The following AHCYL2 variants were observed in gnomAD, a reference collection of about 807,000 sequenced individuals.
AHCYL2 encodes S-adenosylhomocysteine hydrolase-like protein 2.
In AHCYL2, 28 loss-of-function variants were observed where a neutral mutation model predicts 81.4. That is an observed-to-expected ratio of 0.34 (90% CI 0.25 to 0.47). The LOEUF is 0.47. Ranked by LOEUF, AHCYL2 falls within the 20% of genes least tolerant of loss-of-function variation. The probability of loss-of-function intolerance (pLI) is 1.00; values close to 1 mark genes in which losing one functional copy is unlikely to be tolerated. For synonymous variants in AHCYL2, 272 were observed against 290.2 expected (o/e 0.94, Z 0.64); for missense variants, 551 against 785.1 (o/e 0.70, Z 3.56).
chr7:129,294,831 A>G (rs1406406755), intron 1 of AHCYL2, among the ~76,000 whole-genome samples: 2 of 152,228 alleles, frequency 1.3e-5, no homozygotes, highest in Non-Finnish European at 2.9e-5. Flanking sequence ...TACCCTGGAT[A>G]AGTCATATGT....
At chr7:129,258,556 C>CTTTTTTTTTTTTTTTTTTTTTTTATTTT (rs56039495) in intron 1 of AHCYL2, among the ~76,000 whole-genome samples, 1 of 133,140 alleles carries the variant, frequency 7.5e-6, no homozygotes, top group Non-Finnish European at 1.6e-5. Flanking sequence ...ATTTATCTTG[C>CTTTTTTTTTTTTTTTTTTTTTTTATTTT]TTTTTTTTTT....
chr7:129,232,575 T>G (rs1195765154), intron 1 of AHCYL2, among the ~76,000 whole-genome samples: 1 of 152,248 alleles, frequency 6.6e-6, no homozygotes, highest in Non-Finnish European at 1.5e-5. Flanking sequence ...CCATCCATTA[T>G]CTTCCCAATA....
Position 129,384,830 on chromosome 7 carries a change from T to C in AHCYL2, c.476-4226T>C, listed in dbSNP as rs1217733133. 2.6e-5 allele frequency among the ~76,000 whole-genome samples: 4 copies of C among 152,224 alleles called. No homozygotes were observed. The East Asian group carries it at 7.7e-4, about 29-fold the overall frequency. Reference sequence around the variant, plus strand: ...CTTTCCAGATGCGTAGGAGAGAAGTTAATTCATTATGTACAATGGATGCTT... The same window carrying C: ...CTTTCCAGATGCGTAGGAGAGAAGTCAATTCATTATGTACAATGGATGCTT... On this transcript the variant is annotated intron_variant, in intron 2 of 16. Transcript: ENST00000325006.
At chr7:129,339,959 C>T (rs1439313967) in intron 1 of AHCYL2, among the ~76,000 whole-genome samples, 2 of 138,620 alleles carry the variant, frequency 1.4e-5, no homozygotes, top group Admixed American at 7.7e-5. Flanking sequence ...CGCTCCGTCG[C>T]CCAGGCTGGA....
At chr7:129,276,257 G>A (rs573829078) in intron 1 of AHCYL2, among the ~76,000 whole-genome samples, 258 of 151,966 alleles carry the variant, frequency 1.7e-3, no homozygotes, top group Non-Finnish European at 3.1e-3. Context: ...TCACAAAGAA[G>A]ATGAGGGTAA....
intron 1 of AHCYL2, among the ~76,000 whole-genome samples, chr7:129,261,922 G>A (rs1795657236): frequency 1.3e-5 from 2 of 152,132 alleles, no homozygotes; most frequent in Admixed American, 1.3e-4. Flanking sequence ...AGTATGGAAA[G>A]TTACTCTGGA....
At chr7:129,403,659 C>G (rs187439541) in intron 7 of AHCYL2, among the ~76,000 whole-genome samples, 174 bp downstream of exon 7, 4 of 151,752 alleles carry the variant, frequency 2.6e-5, no homozygotes, top group Non-Finnish European at 5.9e-5. Flanking sequence ...GTCAGGAGAT[C>G]AAGACCATCC....
intron 1 of AHCYL2, among the ~76,000 whole-genome samples, chr7:129,365,017 C>CGTACAGCAATAAATTAAA (rs1468082752): frequency 1.4e-4 from 22 of 152,148 alleles, no homozygotes; most frequent in Non-Finnish European, 1.8e-4. Context: ...GTACAGCATA[C>CGTACAGCAATAAATTAAA]ATAAATTTTA....
chr7:129,404,910 G>T (rs964592944), intron 7 of AHCYL2, among the ~76,000 whole-genome samples, 187 bp from the exon 8 acceptor site: 11 of 152,102 alleles, frequency 7.2e-5, no homozygotes, highest in Admixed American at 1.3e-4. Flanking sequence ...AATCTTTATT[G>T]TGAAGCTATA....
rs568568800 is a variant in AHCYL2 at position 129,243,558 on chromosome 7, T to C, written c.363+18119T>C. 1.3e-3 allele frequency among the ~76,000 whole-genome samples: 155 copies of C among 119,394 alleles called. 2 individuals are homozygous for C. Among genetic ancestry groups the C allele is most frequent in the African/African-American group, 3.6e-3 (146 of 40,006 alleles). 78.3% of individuals were successfully genotyped at this position (119,394 alleles called of 152,430 possible). A position where few individuals can be genotyped will look rare whatever the true frequency, so the allele number is the denominator to read the frequency against. ...GTTTAGTTTTGTGTTTTCAGTTATGTCTTTTGTTTGTTTTTGTTTTTGTTT... is the reference window on the plus strand; with the variant it reads ...GTTTAGTTTTGTGTTTTCAGTTATGCCTTTTGTTTGTTTTTGTTTTTGTTT... On this transcript the variant is annotated intron_variant, in intron 1 of 16. Coordinates refer to ENST00000325006, the MANE Select transcript of AHCYL2 (RefSeq NM_015328.4).
chr7:129,298,625 T>A (rs2150758815), intron 1 of AHCYL2, among the ~76,000 whole-genome samples: 1 of 152,342 alleles, frequency 6.6e-6, no homozygotes, highest in African/African-American at 2.4e-5. Flanking sequence ...TCCTAAACTT[T>A]GCTTGGGGGA....
intron 1 of AHCYL2, among the ~76,000 whole-genome samples, chr7:129,253,711 A>G (rs1406370331): frequency 6.6e-6 from 1 of 152,164 alleles, no homozygotes; most frequent in Non-Finnish European, 1.5e-5. Flanking sequence ...TTCTGGGCCC[A>G]AGTGATTCTT....
chr7:129,371,202 A>C (rs1563217115), intron 1 of AHCYL2, among the ~76,000 whole-genome samples: 1 of 152,206 alleles, frequency 6.6e-6, no homozygotes, highest in Non-Finnish European at 1.5e-5. Context: ...AGTGTAATGA[A>C]ATTTCCACTG....
chr7:129,288,660 G>GTACTTCTAT lies in AHCYL2; in HGVS notation c.363+63223_363+63231dup, dbSNP rs544575811. Among the ~76,000 whole-genome samples, 515 of 152,140 alleles carry GTACTTCTAT rather than the reference G, an allele frequency of 3.4e-3. 1 individual carries two copies. Among genetic ancestry groups the GTACTTCTAT allele is most frequent in the African/African-American group, 0.012 (498 of 41,538 alleles). ...CAGGCGTGAGCCACTGCGCCTGGCA[G>GTACTTCTAT]TACTTCTATTTAGAAGAGTGCTCAG... On this transcript the variant is annotated intron_variant, in intron 1 of 16. Coordinates refer to ENST00000325006, the MANE Select transcript of AHCYL2 (RefSeq NM_015328.4).
chr7:129,368,486 G>C lies in AHCYL2; in HGVS notation c.364-11152G>C, dbSNP rs1474750771. 6.2e-7 allele frequency: 1 copy of C among 1,614,012 alleles called. No homozygotes were observed. Among genetic ancestry groups the C allele is most frequent in the Non-Finnish European group, 8.5e-7 (1 of 1,179,896 alleles). On this transcript the variant is annotated intron_variant, in intron 1 of 16. Transcript: ENST00000325006. This position sits in a 1 kb window ranked among gnomAD's most constrained non-coding sequence, Gnocchi z 4.4. ...TTGCTTCAGGACATATCTTACCCAA[G>C]CCTGCACTATGGAGAAGTGGGACGG...
chr7:129,388,956 T>A, intron 2 of AHCYL2, 100 bp from the exon 3 acceptor site: 1 of 1,412,696 alleles, frequency 7.1e-7, no homozygotes, highest in South Asian at 1.4e-5. Flanking sequence ...AAAATTTATA[T>A]GGTGCTAGGT....
In AHCYL2 at chr7:129,355,235, G is replaced by A. The variant is rs558569899; in HGVS notation, c.364-24403G>A. Among the ~76,000 whole-genome samples the A allele has an allele frequency of 2.2e-5, 3 of 139,288 alleles. No homozygotes were observed. The East Asian group carries it at 6.6e-4, about 31-fold the overall frequency. 91.4% of individuals were successfully genotyped at this position (139,288 alleles called of 152,430 possible). ...TTGAATTTTTGTGCTTTGTTTTAGT[G>A]ATTGCACTGTGTAAAATTGTCCCCA... On this transcript the variant is annotated intron_variant, in intron 1 of 16. Transcript: ENST00000325006.
chr7:129,414,420 C>CTTTTTTT (rs10653631), intron 12 of AHCYL2, among the ~76,000 whole-genome samples: 22 of 125,466 alleles, frequency 1.8e-4, no homozygotes, highest in Non-Finnish European at 2.4e-4. Flanking sequence ...AATGTTGTTT[C>CTTTTTTT]TTTTTTTTTT....
chr7:129,319,874 G>A (rs1219188584), intron 1 of AHCYL2, among the ~76,000 whole-genome samples: 1 of 152,214 alleles, frequency 6.6e-6, no homozygotes, highest in Non-Finnish European at 1.5e-5. Flanking sequence ...GTAAACATCC[G>A]TGAACAAGTC....
Sources: gnomAD v4.1 joint callset for allele counts (sites outside exome capture counted in the v4.1 genomes callset) on GRCh38, gnomAD v4.1.1 for gene constraint, Gnocchi (gnomAD v3.1) non-coding constraint, MANE v1.5 for transcripts, NCBI Gene and HGNC (gene_info 2026-07-23, HGNC 2026-07-21) for gene names.